Variants in SUMF1 observed in about 807,000 individuals in gnomAD.
SUMF1 encodes sulfatase modifying factor 1.
SUMF1 carries 48 observed loss-of-function variants against 47.6 expected under a neutral mutation model. The observed-to-expected ratio is 1.01, with a 90% CI of 0.80 to 1.28. The LOEUF is 1.28. Among genes scored for constraint, SUMF1 ranks in the 50% most tolerant of loss-of-function variants. The pLI is 0.00. For missense variants in SUMF1, 571 were observed against 485.4 expected (o/e 1.18, Z -1.66); for synonymous variants, 230 against 192.1 (o/e 1.20, Z -1.63).
At chr3:4,413,493 G>A (rs1331908560) in intron 6 of SUMF1, among the ~76,000 whole-genome samples, 4 of 151,942 alleles carry the variant, frequency 2.6e-5, no homozygotes, top group African/African-American at 9.7e-5. Flanking sequence ...ATTACCATAG[G>A]TGAGTATGCC....
rs114640574 is a variant in SUMF1 at position 4,344,297 on chromosome 3, C to T, written c.1014+32033G>A. The stretch of plus-strand genomic sequence containing the variant: ...CCCCCATTGGCATCAGGTCAGTGCC[C>T]CTCGAGGGCAGAGCTCCCAGAAGGA... On this transcript the variant is annotated intron_variant and NMD_transcript_variant, in intron 8 of 12. Coordinates refer to the SUMF1 transcript ENST00000448413. Among the ~76,000 whole-genome samples, 735 of 152,274 alleles carry T rather than the reference C, an allele frequency of 4.8e-3. 7 individuals are homozygous for T. The highest frequency in any genetic ancestry group is 0.017 in the African/African-American group (709 of 41,544).
intron 8 of SUMF1, among the ~76,000 whole-genome samples, chr3:4,089,274 CT>C (rs1692734587): frequency 6.6e-6 from 1 of 152,082 alleles, no homozygotes; most frequent in Non-Finnish European, 1.5e-5. Flanking sequence ...AATACTTTCC[CT>C]ATGATTAGTA....
intron 8 of SUMF1, among the ~76,000 whole-genome samples, chr3:4,139,589 T>C (rs867372492): frequency 1.9e-4 from 29 of 150,504 alleles, no homozygotes; most frequent in South Asian, 1.0e-3. Flanking sequence ...TGTATATATA[T>C]ACACACACAC....
chr3:4,108,916 C>T lies in SUMF1; in HGVS notation c.1015-40171G>A, dbSNP rs577621986. Among the ~76,000 whole-genome samples the T allele has an allele frequency of 2.7e-3, 406 of 152,012 alleles. 3 individuals are homozygous for T. The highest frequency in any genetic ancestry group is 9.3e-3 in the African/African-American group (387 of 41,450). On this transcript the variant is annotated intron_variant and NMD_transcript_variant, in intron 8 of 12. Coordinates refer to the SUMF1 transcript ENST00000448413. ...GTGTCTTTTAATTGGAGCATTTAGCCCATTTACATTTAAGGTTAATATTGT... is the reference window on the plus strand; with the variant it reads ...GTGTCTTTTAATTGGAGCATTTAGCTCATTTACATTTAAGGTTAATATTGT...
intron 8 of SUMF1, among the ~76,000 whole-genome samples, chr3:4,255,051 G>C (rs1262181240): frequency 6.7e-6 from 1 of 150,366 alleles, no homozygotes; most frequent in African/African-American, 2.4e-5. Flanking sequence ...ATCCTTTACA[G>C]ACAAGCAAAT....
chr3:4,143,044 G>A (rs541000868), intron 8 of SUMF1, among the ~76,000 whole-genome samples: 3 of 152,170 alleles, frequency 2.0e-5, no homozygotes, highest in South Asian at 2.1e-4. Context: ...TAAGTGTCCC[G>A]CTGCAAAGAG....
intron 8 of SUMF1, among the ~76,000 whole-genome samples, chr3:4,253,818 A>T (rs1358019329): frequency 6.7e-6 from 1 of 148,190 alleles, no homozygotes; most frequent in South Asian, 2.3e-4. Context: ...CAGGGCACAG[A>T]CAAACAAAAA....
At position 4,046,037 on chromosome 3, in the gene SUMF1, C is replaced by A. The variant is rs1695000798; in HGVS notation, c.1191+22532G>T. Among the ~76,000 whole-genome samples the A allele has an allele frequency of 2.6e-5, 4 of 152,026 alleles. No homozygotes were observed. The South Asian group carries it at 8.3e-4, about 32-fold the overall frequency. Reference sequence around the variant, plus strand: ...CTACTGTCCAACCTGGGGGACACAGCAAGAGCTTGTCTCTTAAAAAAGAAA... The same window carrying A: ...CTACTGTCCAACCTGGGGGACACAGAAAGAGCTTGTCTCTTAAAAAAGAAA... On this transcript the variant is annotated intron_variant and NMD_transcript_variant, in intron 9 of 12. Transcript: ENST00000448413.
chr3:4,421,322 G>A (rs919498912), intron 3 of SUMF1, among the ~76,000 whole-genome samples: 33 of 152,078 alleles, frequency 2.2e-4, no homozygotes, highest in Non-Finnish European at 4.6e-4. Context: ...AATATAATAC[G>A]CATACAGGAC....
chr3:4,437,317 A>G (rs1484745708), intron 3 of SUMF1, among the ~76,000 whole-genome samples: 1 of 152,238 alleles, frequency 6.6e-6, no homozygotes, highest in Non-Finnish European at 1.5e-5. Flanking sequence ...AAGTTAATGG[A>G]ATAATAAATG....
intron 8 of SUMF1, among the ~76,000 whole-genome samples, chr3:4,278,146 G>A (rs1438082475): frequency 6.6e-6 from 1 of 151,840 alleles, no homozygotes; most frequent in Non-Finnish European, 1.5e-5. Context: ...TAGAACAAAA[G>A]GACTGCAACA....
At chr3:4,271,466 TATAGATAG>T (rs3048196) in intron 8 of SUMF1, among the ~76,000 whole-genome samples, 17,779 of 108,328 alleles carry the variant, frequency 0.16, 1,258 homozygotes, top group African/African-American at 0.21. Context: ...TTATACTATC[TATAGATAG>T]ATAGATAGAT....
chr3:4,177,918 C>G (rs555203618), intron 8 of SUMF1, among the ~76,000 whole-genome samples: 201 of 152,170 alleles, frequency 1.3e-3, no homozygotes, highest in Non-Finnish European at 2.1e-3. Context: ...AACACCTCTA[C>G]GCAAATAAAC....
At chr3:4,313,819 G>T (rs1008373864) in intron 8 of SUMF1, 2 of 1,604,414 alleles carry the variant, frequency 1.2e-6, no homozygotes, top group Non-Finnish European at 8.5e-7. Flanking sequence ...ACAGTGGTTG[G>T]CTAGCTTTAC....
intron 8 of SUMF1, among the ~76,000 whole-genome samples, chr3:4,348,260 C>T (rs1360082402): frequency 6.6e-6 from 1 of 152,144 alleles, no homozygotes; most frequent in Non-Finnish European, 1.5e-5. Context: ...AGGCATCACA[C>T]TACCTGACTT....
In SUMF1 at chr3:4,084,449, C is replaced by T. The variant is rs76794879; in HGVS notation, c.1015-15704G>A. Among the ~76,000 whole-genome samples, 172 of 152,252 alleles carry T rather than the reference C, an allele frequency of 1.1e-3. 7 individuals are homozygous for T. The highest frequency in any genetic ancestry group is 4.0e-3 in the African/African-American group (164 of 41,514). ...CCAATGGAATGATGTGGAAATAATT[C>T]ACCTCTGCTCTAGAGAATCTGCTTG... On this transcript the variant is annotated intron_variant and NMD_transcript_variant, in intron 8 of 12. Transcript: ENST00000448413.
chr3:4,307,558 G>A (rs777469231), intron 8 of SUMF1, among the ~76,000 whole-genome samples: 1 of 152,150 alleles, frequency 6.6e-6, no homozygotes, highest in Admixed American at 6.5e-5. Flanking sequence ...AGACAAGAGT[G>A]TATTTTCTCT....
rs556995299 is a variant in SUMF1, at chr3:4,131,891, T to A, written c.1015-63146A>T. Among the ~76,000 whole-genome samples the A allele has an allele frequency of 3.9e-5, 6 of 152,240 alleles. No homozygotes were observed. In the East Asian group the frequency reaches 1.2e-3, roughly 29 times the overall value. On this transcript the variant is annotated intron_variant and NMD_transcript_variant, in intron 8 of 12. Transcript: ENST00000448413. ...TTGCCCAGTGGGACCATGAACAAAG[T>A]GGCCATGGTGGCAAGGATGGAGGTT...
chr3:4,247,976 A>C (rs780548712), intron 8 of SUMF1, among the ~76,000 whole-genome samples: 5 of 152,220 alleles, frequency 3.3e-5, no homozygotes, highest in Non-Finnish European at 7.3e-5. Flanking sequence ...TACTTTGCAA[A>C]GGCATGGGGA....
Sources: allele counts gnomAD v4.1 joint callset (sites outside exome capture counted in the v4.1 genomes callset), GRCh38; gene constraint gnomAD v4.1.1; transcripts MANE v1.5; gene names NCBI Gene and HGNC (gene_info 2026-07-23, HGNC 2026-07-21).